The following EPB41L4A variants were observed in gnomAD, a reference collection of about 807,000 sequenced individuals.
EPB41L4A encodes the protein erythrocyte membrane protein band 4.1 like 4A, also known as band 4.1-like protein 4A.
EPB41L4A carries 100 observed loss-of-function variants against 108.6 expected under a neutral mutation model. That is an observed-to-expected ratio of 0.92 (90% CI 0.78 to 1.09). EPB41L4A has a LOEUF of 1.09. Ranked by LOEUF, EPB41L4A falls within the 50% of genes least tolerant of loss-of-function variation. The pLI, the probability that EPB41L4A is intolerant of heterozygous loss-of-function variation, is 0.00. For synonymous variants in EPB41L4A, 319 were observed against 289.0 expected (o/e 1.10, Z -1.05); for missense variants, 1,030 against 842.7 (o/e 1.22, Z -2.75).
chr5:112,181,130 T>C (rs1017542034), intron 18 of EPB41L4A, among the ~76,000 whole-genome samples: 1 of 152,168 alleles, frequency 6.6e-6, no homozygotes, highest in African/African-American at 2.4e-5. Flanking sequence ...CCAACCTTTC[T>C]GGAAATCATT....
intron 1 of EPB41L4A, among the ~76,000 whole-genome samples, chr5:112,345,784 C>T (rs950135829): frequency 2.5e-3 from 12 of 4,812 alleles, no homozygotes; most frequent in African/African-American, 7.4e-3. Flanking sequence ...TATATATACA[C>T]ACACACACAC....
intron 1 of EPB41L4A, among the ~76,000 whole-genome samples, chr5:112,398,844 C>A (rs186786693): frequency 0.012 from 1,758 of 151,446 alleles, 26 homozygotes; most frequent in South Asian, 0.038. Context: ...TGTATATGGG[C>A]TTCAAGGTGA....
intron 17 of EPB41L4A, among the ~76,000 whole-genome samples, chr5:112,189,684 A>G (rs769549457): frequency 2.0e-5 from 3 of 152,124 alleles, no homozygotes; most frequent in Non-Finnish European, 4.4e-5. Context: ...TGATGGAAAA[A>G]AACGCACCAG....
chr5:112,160,764 G>C (rs1759838168), downstream of EPB41L4A: 1 of 155,830 alleles, frequency 6.4e-6, no homozygotes, highest in Non-Finnish European at 1.5e-5. Flanking sequence ...GCGGCGTCTC[G>C]CCATAGCGCA....
In EPB41L4A at chr5:112,174,214, T is replaced by C. The variant is rs147973207; in HGVS notation, c.1623-3222A>G. The stretch of plus-strand genomic sequence containing the variant: ...ACACAAGCTGCATGTTAATGAGGAA[T>C]GTATTATTTTTATGCTTACATCTGC... On this transcript the variant is annotated intron_variant, in intron 18 of 22. Transcript: ENST00000261486. Among the ~76,000 whole-genome samples the C allele has an allele frequency of 9.3e-3, 1,418 of 152,320 alleles. 10 individuals are homozygous for C. The highest frequency in any genetic ancestry group is 0.017 in the Middle Eastern group (5 of 294).
chr5:112,414,378 T>C (rs947366838), intron 1 of EPB41L4A, among the ~76,000 whole-genome samples: 6 of 151,802 alleles, frequency 4.0e-5, no homozygotes, highest in Admixed American at 6.6e-5. Flanking sequence ...TCTATGAGAG[T>C]GGTTCTCAAC....
At chr5:112,292,060 T>C (rs1423963644) in intron 2 of EPB41L4A, among the ~76,000 whole-genome samples, 1 of 152,206 alleles carries the variant, frequency 6.6e-6, no homozygotes, top group African/African-American at 2.4e-5. Context: ...TAGCATATCA[T>C]CTTATTTTCA....
intron 2 of EPB41L4A, among the ~76,000 whole-genome samples, chr5:112,305,298 A>T (rs1305217677): frequency 6.6e-6 from 1 of 152,136 alleles, no homozygotes; most frequent in African/African-American, 2.4e-5. Context: ...TGCACTGATG[A>T]TGATGGTGGT....
chr5:112,276,508 G>T (rs1021047032), intron 3 of EPB41L4A, among the ~76,000 whole-genome samples: 1 of 152,044 alleles, frequency 6.6e-6, no homozygotes, highest in African/African-American at 2.4e-5. Context: ...TTTTTAAAAG[G>T]ATTTGTTTTG....
chr5:112,175,156 A>T (rs1760798084), intron 18 of EPB41L4A: 1 of 152,232 alleles, frequency 6.6e-6, no homozygotes, highest in African/African-American at 2.4e-5. Flanking sequence ...TTTTCAATAA[A>T]AATAGTAAGA....
At chr5:112,239,607 A>T in intron 11 of EPB41L4A, 53 bp downstream of exon 11, 1 of 1,154,024 alleles carries the variant, frequency 8.7e-7, no homozygotes, top group Non-Finnish European at 1.2e-6. Context: ...ATGACAGCTG[A>T]ATTAAGTATT....
chr5:112,402,825 A>G (rs1463395478), intron 1 of EPB41L4A, among the ~76,000 whole-genome samples: 6 of 152,168 alleles, frequency 3.9e-5, no homozygotes, highest in African/African-American at 1.4e-4. Flanking sequence ...CTCAATTTTC[A>G]TACTTCAAGA....
intron 1 of EPB41L4A, among the ~76,000 whole-genome samples, chr5:112,390,853 A>G (rs1007324843): frequency 1.3e-5 from 2 of 152,084 alleles, no homozygotes; most frequent in African/African-American, 4.8e-5. Flanking sequence ...CTTCCAGAGG[A>G]AAGATCAAGC....
chr5:112,242,199 G>C (rs1749841860), intron 9 of EPB41L4A, among the ~76,000 whole-genome samples: 1 of 152,192 alleles, frequency 6.6e-6, no homozygotes, highest in Admixed American at 6.5e-5. Flanking sequence ...TTGTTTGATA[G>C]CATTTGACCC....
intron 1 of EPB41L4A, among the ~76,000 whole-genome samples, chr5:112,329,107 C>T (rs1280064964): frequency 1.3e-5 from 2 of 152,180 alleles, no homozygotes; most frequent in Non-Finnish European, 2.9e-5. Context: ...CCTTGAAATG[C>T]AGCTGGTCCA....
intron 1 of EPB41L4A, among the ~76,000 whole-genome samples, chr5:112,360,418 C>T (rs424370): frequency 0.44 from 66,369 of 151,806 alleles, 15,635 homozygotes; most frequent in South Asian, 0.58. Context: ...GGATTGCAGG[C>T]GCGCACCGCC....
intron 1 of EPB41L4A, among the ~76,000 whole-genome samples, chr5:112,324,519 T>A (rs1483008930): frequency 1.3e-5 from 2 of 151,934 alleles, no homozygotes; most frequent in African/African-American, 4.8e-5. Flanking sequence ...GGTAAGGAGT[T>A]CAAGACTAGC....
chr5:112,260,112 C>T (rs1464905912), intron 7 of EPB41L4A, 133 bp from the exon 8 acceptor site: 1 of 670,932 alleles, frequency 1.5e-6, no homozygotes, highest in African/African-American at 1.8e-5. Context: ...GCCTAGAAAG[C>T]TAGATACACT....
At chr5:112,205,359 T>C (rs1376871682) in intron 14 of EPB41L4A, 62 bp downstream of exon 14, 1 of 1,352,400 alleles carries the variant, frequency 7.4e-7, no homozygotes, top group African/African-American at 1.4e-5. Flanking sequence ...CTTTATTCAA[T>C]GAGCTGCATG....
Sources: allele counts gnomAD v4.1 joint callset (sites outside exome capture counted in the v4.1 genomes callset), GRCh38; gene constraint gnomAD v4.1.1; transcripts MANE v1.5; gene names NCBI Gene and HGNC (gene_info 2026-07-23, HGNC 2026-07-21).